The following RNGTT variants were observed in gnomAD, a reference collection of about 807,000 sequenced individuals.
RNGTT encodes mRNA-capping enzyme.
A neutral mutation model predicts 79.3 loss-of-function variants in RNGTT; 33 were observed. The observed-to-expected ratio is 0.42, with a 90% CI of 0.32 to 0.56. The LOEUF (loss-of-function observed/expected upper bound fraction) is 0.56. RNGTT is among the 20% of genes least tolerant of loss of function. RNGTT has a pLI of 0.17. For missense variants in RNGTT, 497 were observed against 739.1 expected (o/e 0.67, Z 3.80); for synonymous variants, 222 against 235.9 (o/e 0.94, Z 0.54).
chr6:88,829,156 A>C (rs994877192), intron 11 of RNGTT, among the ~76,000 whole-genome samples: 1 of 152,222 alleles, frequency 6.6e-6, no homozygotes, highest in African/African-American at 2.4e-5. Context: ...GGTTACCCAC[A>C]AAGGGAAGCC....
intron 11 of RNGTT, among the ~76,000 whole-genome samples, chr6:88,805,875 A>C (rs889721333): frequency 6.6e-6 from 1 of 152,306 alleles, no homozygotes; most frequent in East Asian, 1.9e-4. Flanking sequence ...ACCAGGAGAA[A>C]ACCCTTTTAT....
In RNGTT at chr6:88,963,431, G is replaced by T; in HGVS notation, c.-22C>A. 2.6e-6 allele frequency: 4 copies of T among 1,550,308 alleles called. No individual in the cohort carries two copies. The highest frequency in any genetic ancestry group is 3.5e-6 in the Non-Finnish European group (4 of 1,144,170). On this transcript the variant is annotated 5_prime_UTR_variant, in exon 1 of 16. Coordinates refer to ENST00000369485, the MANE Select transcript of RNGTT (RefSeq NM_003800.5). ...CCATGTCTTGGGGCTGCGCAGAGCT[G>T]CCCTCCCTCACCAACGTTCACCGCG...
chr6:88,902,909 T>C (rs1403311934), intron 6 of RNGTT, among the ~76,000 whole-genome samples: 1 of 151,944 alleles, frequency 6.6e-6, no homozygotes, highest in Admixed American at 6.6e-5. Context: ...TTAGCCAGGA[T>C]GGTCTTGATC....
chr6:88,657,656 T>G (rs1225698863), intron 14 of RNGTT, among the ~76,000 whole-genome samples: 1 of 152,066 alleles, frequency 6.6e-6, no homozygotes, highest in Non-Finnish European at 1.5e-5. Flanking sequence ...GAGAGACTTG[T>G]AGCTTGGGTC....
chr6:88,863,910 A>C (rs1782088937), intron 8 of RNGTT, among the ~76,000 whole-genome samples: 1 of 152,150 alleles, frequency 6.6e-6, no homozygotes, highest in Non-Finnish European at 1.5e-5. Flanking sequence ...CCTAAAAATC[A>C]AGCAGGCAGA....
At chr6:88,796,669 T>C (rs1779612909) in intron 12 of RNGTT, among the ~76,000 whole-genome samples, 1 of 151,994 alleles carries the variant, frequency 6.6e-6, no homozygotes, top group South Asian at 2.1e-4. Flanking sequence ...AAAAATACAC[T>C]TTTCTCTATG....
At chr6:88,726,311 C>G (rs1437349661) in intron 13 of RNGTT, among the ~76,000 whole-genome samples, 1 of 141,468 alleles carries the variant, frequency 7.1e-6, no homozygotes, top group Non-Finnish European at 1.5e-5. Flanking sequence ...GCTCTCCTAA[C>G]AGAAGAAAGT....
chr6:88,667,176 A>T (rs1449426349), intron 14 of RNGTT, among the ~76,000 whole-genome samples: 1 of 152,106 alleles, frequency 6.6e-6, no homozygotes, highest in East Asian at 1.9e-4. Context: ...CAGGCACCGC[A>T]TCTAGTGCCT....
At chr6:88,776,289 G>A (rs1778875865) in intron 12 of RNGTT, among the ~76,000 whole-genome samples, 1 of 150,518 alleles carries the variant, frequency 6.6e-6, no homozygotes, top group African/African-American at 2.4e-5. Context: ...TGTGACTGGT[G>A]ATGTTGAGCA....
intron 2 of RNGTT, among the ~76,000 whole-genome samples, chr6:88,934,188 T>C (rs1002998686): frequency 1.3e-5 from 2 of 152,134 alleles, no homozygotes; most frequent in African/African-American, 4.8e-5. Flanking sequence ...ACATACCTCA[T>C]GCCTGGCTAA....
chr6:88,758,202 T>C (rs1263031357), intron 13 of RNGTT, among the ~76,000 whole-genome samples: 4 of 152,238 alleles, frequency 2.6e-5, no homozygotes, highest in African/African-American at 9.6e-5. Flanking sequence ...TGATTAACGT[T>C]TGGCAAAAGT....
intron 11 of RNGTT, among the ~76,000 whole-genome samples, chr6:88,803,684 T>TA (rs995447980): frequency 2.6e-4 from 39 of 148,902 alleles, no homozygotes; most frequent in Admixed American, 1.5e-3. Context: ...AAAAAAAGGT[T>TA]AAAAAAATGT....
chr6:88,692,877 A>T (rs1474237939), intron 13 of RNGTT, among the ~76,000 whole-genome samples: 1 of 152,000 alleles, frequency 6.6e-6, no homozygotes, highest in Non-Finnish European at 1.5e-5. Context: ...CTGTTCACAG[A>T]CCATACAGCG....
intron 13 of RNGTT, among the ~76,000 whole-genome samples, chr6:88,751,624 G>A (rs1777842589): frequency 6.6e-6 from 1 of 151,976 alleles, no homozygotes; most frequent in Non-Finnish European, 1.5e-5. Context: ...TGTAAATACT[G>A]AAACCCTCTC....
intron 12 of RNGTT, among the ~76,000 whole-genome samples, chr6:88,775,484 G>T (rs1299090185): frequency 6.6e-6 from 1 of 152,118 alleles, no homozygotes; most frequent in Non-Finnish European, 1.5e-5. Flanking sequence ...ACCCACAACT[G>T]AGAGGGGGGA....
chr6:88,853,802 T>C (rs1426905068), intron 8 of RNGTT, 38 bp from the exon 9 acceptor site: 1 of 1,321,488 alleles, frequency 7.6e-7, no homozygotes, highest in Non-Finnish European at 1.1e-6. Flanking sequence ...ATTTACAGTA[T>C]AATATCAAGA....
chr6:88,738,847 C>T (rs1777371475), intron 13 of RNGTT, among the ~76,000 whole-genome samples: 1 of 151,452 alleles, frequency 6.6e-6, no homozygotes, highest in African/African-American at 2.4e-5. Context: ...AATACACACA[C>T]ACACACACAC....
chr6:88,892,500 A>T (rs1394414730), intron 6 of RNGTT, among the ~76,000 whole-genome samples: 1 of 152,040 alleles, frequency 6.6e-6, no homozygotes, highest in Non-Finnish European at 1.5e-5. Context: ...TGGATATATT[A>T]ACATACTAAT....
chr6:88,932,128 G>C (rs1183140340), intron 2 of RNGTT, among the ~76,000 whole-genome samples: 1 of 152,132 alleles, frequency 6.6e-6, no homozygotes, highest in Non-Finnish European at 1.5e-5. Context: ...ACAGCCCTGG[G>C]AAAAGAATGT....
Sources: allele counts gnomAD v4.1 joint callset (sites outside exome capture counted in the v4.1 genomes callset), GRCh38; gene constraint gnomAD v4.1.1; transcripts MANE v1.5; gene names NCBI Gene and HGNC (gene_info 2026-07-23, HGNC 2026-07-21).